EPS8: variants seen among roughly 807,000 people sequenced by gnomAD.
The protein encoded by EPS8 is epidermal growth factor receptor kinase substrate 8.
Under a neutral mutation model 103.8 loss-of-function variants are expected in EPS8, and 42 were observed. That is an observed-to-expected ratio of 0.40 (90% CI 0.32 to 0.52). The LOEUF is 0.52. EPS8 is among the 20% of genes least tolerant of loss of function. The pLI is 0.40. For missense variants in EPS8, 969 were observed against 1,005.1 expected (o/e 0.96, Z 0.49); for synonymous variants, 344 against 344.6 (o/e 1.00, Z 0.02).
intron 18 of EPS8, among the ~76,000 whole-genome samples, chr12:15,625,474 G>A (rs548240402): frequency 4.6e-5 from 7 of 152,046 alleles, no homozygotes; most frequent in South Asian, 4.2e-4. Context: ...CAAAGTTCAC[G>A]AAAAGTTGCC....
chr12:15,748,571 T>C lies in EPS8; in HGVS notation c.-22+40590A>G, dbSNP rs1172718635. Reference sequence around the variant, plus strand: ...CAGGGAGAGAAATTCCACAGCTCCCTTGGTATTTTTCACTCTGGATCTGAA... The same window carrying C: ...CAGGGAGAGAAATTCCACAGCTCCCCTGGTATTTTTCACTCTGGATCTGAA... On this transcript the variant is annotated intron_variant, in intron 1 of 20. Transcript: ENST00000281172. The surrounding 1 kb of genome is among the most constrained non-coding windows in gnomAD (Gnocchi z 4.8). 6.6e-6 allele frequency among the ~76,000 whole-genome samples: 1 copy of C among 152,168 alleles called. No individual in the cohort carries two copies. The highest frequency in any genetic ancestry group is 2.4e-5 in the African/African-American group (1 of 41,430).
chr12:15,711,479 C>G (rs1319311751), intron 1 of EPS8, among the ~76,000 whole-genome samples: 1 of 152,132 alleles, frequency 6.6e-6, no homozygotes, highest in African/African-American at 2.4e-5. Context: ...TTTTATAACT[C>G]AAGCTACTGC....
intron 1 of EPS8, among the ~76,000 whole-genome samples, chr12:15,740,564 AAAATAAAT>A (rs60477147): frequency 0.018 from 2,637 of 149,486 alleles, 62 homozygotes; most frequent in African/African-American, 0.055. Context: ...AAAAATAATA[AAAATAAAT>A]AAATAAATAA....
At chr12:15,705,885 A>T (rs973840199) in intron 1 of EPS8, among the ~76,000 whole-genome samples, 2 of 151,920 alleles carry the variant, frequency 1.3e-5, no homozygotes, top group Non-Finnish European at 2.9e-5. Context: ...AGACATTAAA[A>T]CCCTCAATGT....
intron 18 of EPS8, among the ~76,000 whole-genome samples, chr12:15,631,157 GT>G (rs1945038482): frequency 6.6e-6 from 1 of 152,184 alleles, no homozygotes; most frequent in South Asian, 2.1e-4. Context: ...GGCAAGTGTT[GT>G]TTTGGTATAC....
rs1347725388 is a variant in EPS8, at chr12:15,785,904, T to C, written c.-22+3257A>G. Among the ~76,000 whole-genome samples, 4 of 151,694 alleles carry C rather than the reference T, an allele frequency of 2.6e-5. No homozygotes were observed. Among genetic ancestry groups the C allele is most frequent in the African/African-American group, 9.7e-5 (4 of 41,354 alleles). On this transcript the variant is annotated intron_variant, in intron 1 of 20. Transcript: ENST00000281172. This position sits in a 1 kb window ranked among gnomAD's most constrained non-coding sequence, Gnocchi z 4.9. ...AACCCAAAATATTTAGATAGATAGATAGATTTTATATTTATATAATATATA... is the reference window on the plus strand; with the variant it reads ...AACCCAAAATATTTAGATAGATAGACAGATTTTATATTTATATAATATATA...
chr12:15,702,829 T>TTAGAGTTGC lies in EPS8; in HGVS notation c.-21-19858_-21-19857insGCAACTCTA, dbSNP rs1351985234. Among the ~76,000 whole-genome samples the TTAGAGTTGC allele has an allele frequency of 2.6e-5, 4 of 152,180 alleles. No individual in the cohort carries two copies. Among genetic ancestry groups the TTAGAGTTGC allele is most frequent in the African/African-American group, 9.7e-5 (4 of 41,444 alleles). On this transcript the variant is annotated intron_variant, in intron 1 of 20. Transcript: ENST00000281172. The surrounding 1 kb of genome is among the most constrained non-coding windows in gnomAD (Gnocchi z 5.1). Reference sequence around the variant, plus strand: ...ACGTAATGGTTATTAAAGGTAAACATTCAATAGAGTGAGCAAAACCACATA... The same window carrying TTAGAGTTGC: ...ACGTAATGGTTATTAAAGGTAAACATTAGAGTTGCTCAATAGAGTGAGCAAAACCACATA...
chr12:15,646,788 A>G (rs1945326411), intron 15 of EPS8, among the ~76,000 whole-genome samples: 1 of 152,222 alleles, frequency 6.6e-6, no homozygotes, highest in Admixed American at 6.5e-5. Flanking sequence ...TTTAAAAGCT[A>G]CAGAACTGGA....
chr12:15,658,510 C>A lies in EPS8; in HGVS notation c.1013G>T (p.Gly338Val). The A allele has an allele frequency of 6.2e-7, 1 of 1,609,178 alleles. No individual in the cohort carries two copies. Among genetic ancestry groups the A allele is most frequent in the Non-Finnish European group, 8.5e-7 (1 of 1,175,696 alleles). ...FLDCFQKFKH[G>V]FNLLAKLKSH... ...AATTTCACTTACCAGAAGGTTAAAT[C>A]CGTGTTTAAACTTTTGGAAACAGTC... Residue 338 changes from glycine to valine, a missense_variant, in exon 11 of 21, where the codon GGA (glycine) becomes GTA (valine). By Grantham distance (109) the Gly-to-Val change is moderately radical. Coordinates refer to ENST00000281172, the MANE Select transcript of EPS8 (RefSeq NM_004447.6).
At chr12:15,692,316 TTGG>T (rs1341515320) in intron 1 of EPS8, among the ~76,000 whole-genome samples, 1 of 68,530 alleles carries the variant, frequency 1.5e-5, no homozygotes, top group Non-Finnish European at 4.4e-5. Flanking sequence ...TGAAAGAGGT[TTGG>T]TTTTTTTTTT....
At chr12:15,718,028 C>G (rs904597735) in intron 1 of EPS8, among the ~76,000 whole-genome samples, 2 of 152,126 alleles carry the variant, frequency 1.3e-5, no homozygotes, top group African/African-American at 4.8e-5. Context: ...CCTTTCATGT[C>G]CTATAACTAA....
chr12:15,709,793 A>G (rs1946437026), intron 1 of EPS8, among the ~76,000 whole-genome samples: 1 of 152,190 alleles, frequency 6.6e-6, no homozygotes, highest in African/African-American at 2.4e-5. Flanking sequence ...GGCACCAGGG[A>G]CTGGTTTCAT....
chr12:15,641,697 T>A lies in EPS8; in HGVS notation c.1677+25A>T, dbSNP rs772889695. 3 of 1,173,118 alleles carry A rather than the reference T, an allele frequency of 2.6e-6. No homozygotes were observed. In the East Asian group the frequency reaches 7.5e-5, roughly 29 times the overall value. The allele number at this position is 1,173,118 out of a possible 1,614,324, so 72.7% of individuals were successfully genotyped here. ...TACAATAAAACTACTTTATTAAGAG[T>A]ATAAAAAAGAAAAAATTATATTACC... On this transcript the variant is annotated intron_variant, in intron 16 of 20. Transcript: ENST00000281172.
chr12:15,654,237 C>T lies in EPS8; in HGVS notation c.1158G>A (p.Leu386=), dbSNP rs750532736. The change falls in exon 13 of 21, where the codon TTG becomes TTA. Residue 386 remains leucine, a synonymous_variant. Transcript: ENST00000281172. ...ELASSVLSPL[L]NKDTIDFLNY... ...TTAAGAAATCAATTGTGTCCTTATT[C>T]AATAGGGGACTAAGTACTGAACTGG... 8.1e-6 allele frequency: 13 copies of T among 1,613,416 alleles called. No individual in the cohort carries two copies. The highest frequency in any genetic ancestry group is 1.0e-5 in the Non-Finnish European group (12 of 1,179,582).
intron 19 of EPS8, 113 bp downstream of exon 19, chr12:15,624,114 T>G (rs1272532073): frequency 1.3e-6 from 1 of 767,048 alleles, no homozygotes; most frequent in Non-Finnish European, 2.2e-6. Context: ...GCACAAAGTA[T>G]GCAGTCTGTG....
In EPS8 at chr12:15,781,151, G is replaced by A. The variant is rs1201320355; in HGVS notation, c.-22+8010C>T. ...AAGATCCTCATTCTTTAAAACAACC[G>A]TGTTCCATCACCACATACCTCTGGT... On this transcript the variant is annotated intron_variant, in intron 1 of 20. Transcript: ENST00000281172. This position sits in a 1 kb window ranked among gnomAD's most constrained non-coding sequence, Gnocchi z 4.1. Among the ~76,000 whole-genome samples, 2 of 152,126 alleles carry A rather than the reference G, an allele frequency of 1.3e-5. No homozygotes were observed. The highest frequency in any genetic ancestry group is 4.8e-5 in the African/African-American group (2 of 41,420).
chr12:15,667,514 G>A (rs1945736565), intron 6 of EPS8, among the ~76,000 whole-genome samples: 2 of 151,882 alleles, frequency 1.3e-5, no homozygotes, highest in South Asian at 2.1e-4. Context: ...TAAAACTGAA[G>A]ATGAAAAGAT....
In EPS8 at chr12:15,669,443, T is replaced by G; in HGVS notation, c.460A>C (p.Lys154Gln). Reference sequence around the variant, plus strand: ...TCTGGCTTGTTCTGGGTTGGCTCTTTGCACACCAGTGCAAGAACTGAATCA... The same window carrying G: ...TCTGGCTTGTTCTGGGTTGGCTCTTGGCACACCAGTGCAAGAACTGAATCA... ...SYDSVLALVC[K>Q]EPTQNKPDLH... Residue 154 changes from lysine to glutamine, a missense_variant, in exon 6 of 21, where the codon AAA becomes CAA. Transcript: ENST00000281172. The G allele has an allele frequency of 6.2e-7, 1 of 1,614,114 alleles. No individual in the cohort carries two copies. Among genetic ancestry groups the G allele is most frequent in the Non-Finnish European group, 8.5e-7 (1 of 1,179,960 alleles).
intron 1 of EPS8, among the ~76,000 whole-genome samples, chr12:15,775,047 G>GGT (rs1360788013): frequency 6.6e-6 from 1 of 152,034 alleles, no homozygotes; most frequent in African/African-American, 2.4e-5. Context: ...TCATTTCAGT[G>GGT]GTGTGTAATT....
Sources: gnomAD v4.1 joint callset for allele counts (sites outside exome capture counted in the v4.1 genomes callset) on GRCh38, gnomAD v4.1.1 for gene constraint, Gnocchi (gnomAD v3.1) non-coding constraint, MANE v1.5 for transcripts, NCBI Gene and HGNC (gene_info 2026-07-23, HGNC 2026-07-21) for gene names.